The following GTF2F2 variants were observed in gnomAD, a reference collection of about 807,000 sequenced individuals.
GTF2F2 encodes the protein ATP-dependent helicase GTF2F2.
GTF2F2 carries 23 observed loss-of-function variants against 42.2 expected under a neutral mutation model. The observed-to-expected ratio is 0.55, with a 90% confidence interval of 0.39 to 0.77. The LOEUF is 0.77. Among genes scored for constraint, GTF2F2 ranks in the 30% least tolerant of loss-of-function variants. The pLI, the probability that GTF2F2 is intolerant of heterozygous loss-of-function variation, is 0.00. For synonymous variants in GTF2F2, 105 were observed against 100.8 expected (o/e 1.04, Z -0.25); for missense variants, 261 against 287.2 (o/e 0.91, Z 0.66).
At chr13:45,198,000 T>C (rs1471238357) in intron 4 of GTF2F2, among the ~76,000 whole-genome samples, 3 of 152,372 alleles carry the variant, frequency 2.0e-5, no homozygotes, top group South Asian at 2.1e-4. Context: ...TTTGAAAGAT[T>C]GGGGTCCTGT....
chr13:45,150,677 T>TTTTTTTTTTTTA (rs1870444649), intron 3 of GTF2F2, among the ~76,000 whole-genome samples: 1 of 149,410 alleles, frequency 6.7e-6, no homozygotes, highest in African/African-American at 2.5e-5. Context: ...TTTTTTTTTT[T>TTTTTTTTTTTTA]GAGATGGAGT....
chr13:45,258,245 G>A lies in GTF2F2; in HGVS notation c.486+5275G>A, dbSNP rs1326924770. Among the ~76,000 whole-genome samples, 14 of 151,634 alleles carry A rather than the reference G, an allele frequency of 9.2e-5. No individual in the cohort carries two copies. The East Asian group carries it at 2.7e-3, about 29-fold the overall frequency. On this transcript the variant is annotated intron_variant, in intron 6 of 7. Transcript: ENST00000340473. ...AAAACAACTCTAGATATTCCAAGCA[G>A]AAAAGAATGTAATGTAGGGAGTTAG...
intron 1 of GTF2F2, among the ~76,000 whole-genome samples, chr13:45,127,821 C>T (rs1365565970): frequency 4.7e-5 from 7 of 150,458 alleles, no homozygotes; most frequent in Non-Finnish European, 8.9e-5. Flanking sequence ...TTGGTAGAGA[C>T]GGGGTTTCGC....
intron 4 of GTF2F2, among the ~76,000 whole-genome samples, chr13:45,182,639 C>T (rs1872221203): frequency 6.6e-6 from 1 of 152,112 alleles, no homozygotes; most frequent in Non-Finnish European, 1.5e-5. Flanking sequence ...AGTCTCCCTC[C>T]TCCGATTTGC....
intron 6 of GTF2F2, among the ~76,000 whole-genome samples, chr13:45,255,166 C>CAAAAAAAAA (rs55795620): frequency 8.1e-4 from 62 of 76,092 alleles, no homozygotes; most frequent in Non-Finnish European, 1.5e-3. Flanking sequence ...GACTTTGTCT[C>CAAAAAAAAA]AAAAAAAAAA....
intron 7 of GTF2F2, among the ~76,000 whole-genome samples, chr13:45,273,723 C>T (rs1186294789): frequency 2.8e-5 from 4 of 141,986 alleles, no homozygotes; most frequent in African/African-American, 5.6e-5. Context: ...GGCGCGATCT[C>T]GGCTCACTGC....
At chr13:45,222,812 A>G (rs1874172807) in intron 5 of GTF2F2, among the ~76,000 whole-genome samples, 1 of 152,196 alleles carries the variant, frequency 6.6e-6, no homozygotes, top group Non-Finnish European at 1.5e-5. Context: ...TTTCAAAAAG[A>G]TAAATACTAA....
intron 5 of GTF2F2, among the ~76,000 whole-genome samples, chr13:45,250,365 A>G (rs888927704): frequency 6.6e-6 from 1 of 152,150 alleles, no homozygotes; most frequent in African/African-American, 2.4e-5. Context: ...TCTTATAAGC[A>G]TGAGCAGCTC....
At chr13:45,244,187 G>C (rs962196981) in intron 5 of GTF2F2, among the ~76,000 whole-genome samples, 3 of 152,112 alleles carry the variant, frequency 2.0e-5, no homozygotes, top group Admixed American at 6.6e-5. Flanking sequence ...TTAGTTGTAG[G>C]GAGGCTGATG....
intron 4 of GTF2F2, among the ~76,000 whole-genome samples, chr13:45,186,483 G>A (rs1013736309): frequency 6.6e-6 from 1 of 151,326 alleles, no homozygotes; most frequent in African/African-American, 2.4e-5. Flanking sequence ...AGTAGAGACG[G>A]GGTTTCATCA....
intron 2 of GTF2F2, among the ~76,000 whole-genome samples, chr13:45,138,529 T>C (rs1237543564): frequency 2.0e-5 from 3 of 152,198 alleles, no homozygotes; most frequent in Non-Finnish European, 4.4e-5. Flanking sequence ...TCTGGAATTC[T>C]TTACTGATGT....
chr13:45,228,851 G>T (rs1479972962), intron 5 of GTF2F2, among the ~76,000 whole-genome samples: 1 of 151,798 alleles, frequency 6.6e-6, no homozygotes, highest in Non-Finnish European at 1.5e-5. Context: ...TGTATTTTTA[G>T]TAGAGACAGG....
intron 7 of GTF2F2, among the ~76,000 whole-genome samples, chr13:45,272,441 C>CAAAAA (rs1307383194): frequency 6.6e-5 from 6 of 91,160 alleles, no homozygotes; most frequent in African/African-American, 1.3e-4. Context: ...AAAAAAAAAA[C>CAAAAA]AAAAAAAAAA....
At chr13:45,212,477 T>TTCTTTC (rs1873710304) in intron 5 of GTF2F2, among the ~76,000 whole-genome samples, 1 of 138,558 alleles carries the variant, frequency 7.2e-6, no homozygotes, top group Non-Finnish European at 1.6e-5. Context: ...CTTTCTTTCT[T>TTCTTTC]TCTTTCTTTC....
At chr13:45,236,581 T>C (rs1349506344) in intron 5 of GTF2F2, among the ~76,000 whole-genome samples, 1 of 151,900 alleles carries the variant, frequency 6.6e-6, no homozygotes, top group African/African-American at 2.4e-5. Context: ...TCTAATCTTT[T>C]GGGATTATGG....
chr13:45,261,168 A>G (rs1015274303), intron 6 of GTF2F2, among the ~76,000 whole-genome samples: 7 of 152,022 alleles, frequency 4.6e-5, no homozygotes, highest in African/African-American at 1.4e-4. Context: ...GGCTCAAGCC[A>G]GTAATCCCAG....
At chr13:45,246,788 A>G (rs1401506261) in intron 5 of GTF2F2, among the ~76,000 whole-genome samples, 1 of 152,224 alleles carries the variant, frequency 6.6e-6, no homozygotes, top group African/African-American at 2.4e-5. Context: ...CTGTAATCCC[A>G]GCACTTTGGG....
chr13:45,148,456 T>C (rs1206376526), intron 2 of GTF2F2, among the ~76,000 whole-genome samples: 7 of 152,220 alleles, frequency 4.6e-5, no homozygotes, highest in Admixed American at 4.6e-4. Flanking sequence ...CAGACCCTTT[T>C]GTGACTTTCG....
chr13:45,240,033 G>T (rs1197739093), intron 5 of GTF2F2, among the ~76,000 whole-genome samples: 1 of 149,660 alleles, frequency 6.7e-6, no homozygotes, highest in Non-Finnish European at 1.5e-5. Flanking sequence ...GGAGCTATTA[G>T]GTTGAATCTT....
Sources: gnomAD v4.1 joint callset for allele counts (sites outside exome capture counted in the v4.1 genomes callset) on GRCh38, gnomAD v4.1.1 for gene constraint, MANE v1.5 for transcripts, NCBI Gene and HGNC (gene_info 2026-07-23, HGNC 2026-07-21) for gene names.